The following ANKFN1 variants were observed in gnomAD, a reference collection of about 807,000 sequenced individuals.
The protein encoded by ANKFN1 is ankyrin repeat and fibronectin type-III domain-containing protein 1.
A neutral mutation model predicts 108.7 loss-of-function variants in ANKFN1; 74 were observed. The observed-to-expected ratio is 0.68, with a 90% CI of 0.56 to 0.83. The LOEUF (loss-of-function observed/expected upper bound fraction) is 0.83. Among genes scored for constraint, ANKFN1 ranks in the 40% least tolerant of loss-of-function variants. ANKFN1 has a pLI of 0.00. For missense variants in ANKFN1, 1,505 were observed against 1,382.3 expected (o/e 1.09, Z -1.41); for synonymous variants, 547 against 516.2 (o/e 1.06, Z -0.81).
At chr17:56,449,323 T>C in intron 11 of ANKFN1, 137 bp downstream of exon 11, 1 of 559,396 alleles carries the variant, frequency 1.8e-6, no homozygotes, top group Non-Finnish European at 3.0e-6. Context: ...GGAATCACTT[T>C]ACAGCACTAT....
chr17:56,229,982 C>T (rs1176706375), intron 3 of ANKFN1, among the ~76,000 whole-genome samples: 1 of 152,080 alleles, frequency 6.6e-6, no homozygotes, highest in Non-Finnish European at 1.5e-5. Context: ...TTGGCAGCTA[C>T]ATTGAACCAG....
chr17:56,499,424 C>A (rs1969505741), intron 20 of ANKFN1, among the ~76,000 whole-genome samples: 1 of 151,978 alleles, frequency 6.6e-6, no homozygotes, highest in African/African-American at 2.4e-5. Flanking sequence ...CAAGTGAGGG[C>A]CACAAAAGCC....
intron 8 of ANKFN1, among the ~76,000 whole-genome samples, chr17:56,423,992 G>A (rs935887291): frequency 6.6e-6 from 1 of 152,058 alleles, no homozygotes; most frequent in Admixed American, 6.5e-5. Flanking sequence ...TCATTAAAAT[G>A]CAGTAATTAC....
rs1408916583 is a variant in ANKFN1, at chr17:56,492,190, A to AT, written c.2269dup (p.Cys757LeufsTer9). 1.4e-6 allele frequency: 1 copy of AT among 697,608 alleles called. No homozygotes were observed. Among genetic ancestry groups the AT allele is most frequent in the South Asian group, 1.5e-5 (1 of 67,300 alleles). 43.2% of individuals were successfully genotyped at this position (697,608 alleles called of 1,614,324 possible). On this transcript the variant is annotated frameshift_variant, in exon 19 of 21. Transcript: ENST00000682825. LOFTEE classifies it high-confidence loss of function. The stretch of plus-strand genomic sequence containing the variant: ...ATTTTGCTTGTCCATTTTCCAGTTC[A>AT]TTTTTGCAGCTACAGAGAGAAATTT...
chr17:56,282,279 CGT>C (rs1300451023), intron 3 of ANKFN1, among the ~76,000 whole-genome samples: 1 of 149,476 alleles, frequency 6.7e-6, no homozygotes, highest in Non-Finnish European at 1.5e-5. Context: ...CAACAGGTGC[CGT>C]GTGTGTGTGT....
At chr17:56,380,694 G>A (rs927859807) in intron 8 of ANKFN1, among the ~76,000 whole-genome samples, 5 of 152,376 alleles carry the variant, frequency 3.3e-5, no homozygotes, top group Admixed American at 3.3e-4. Context: ...TAGCACAGCA[G>A]TCTGAGATCA....
At chr17:56,360,265 C>T (rs1197496647) in intron 6 of ANKFN1, among the ~76,000 whole-genome samples, 4 of 152,128 alleles carry the variant, frequency 2.6e-5, no homozygotes, top group Non-Finnish European at 5.9e-5. Context: ...GCTATCTTAC[C>T]ATAGGGCCTT....
intron 20 of ANKFN1, among the ~76,000 whole-genome samples, chr17:56,506,139 C>A (rs549718128): frequency 6.6e-6 from 1 of 151,970 alleles, no homozygotes; most frequent in African/African-American, 2.4e-5. Flanking sequence ...TGTATACATG[C>A]GCCATGTTGG....
chr17:56,401,325 A>AGTATTGTATTGTATT (rs1176791583), intron 8 of ANKFN1, among the ~76,000 whole-genome samples: 269 of 143,512 alleles, frequency 1.9e-3, no homozygotes, highest in African/African-American at 6.6e-3. Context: ...TACATTCCGA[A>AGTATTGTATTGTATT]GTATTGTATT....
At chr17:56,075,304 A>G (rs1388134407) in intron 4 of ANKFN1, among the ~76,000 whole-genome samples, 2 of 152,130 alleles carry the variant, frequency 1.3e-5, no homozygotes, top group African/African-American at 4.8e-5. Context: ...TTAACCCATA[A>G]GGTTAATGTG....
At chr17:56,230,094 C>A (rs1230003687) in intron 3 of ANKFN1, among the ~76,000 whole-genome samples, 2 of 152,052 alleles carry the variant, frequency 1.3e-5, no homozygotes, top group African/African-American at 4.8e-5. Context: ...AGACTTAGAT[C>A]TATAGTGAAT....
intron 4 of ANKFN1, among the ~76,000 whole-genome samples, chr17:56,066,956 C>A (rs1410369683): frequency 6.6e-6 from 1 of 152,238 alleles, no homozygotes; most frequent in East Asian, 1.9e-4. Context: ...TTTGGGAGGC[C>A]AAGGCTGGCA....
chr17:56,382,933 T>C (rs1017462500), intron 8 of ANKFN1, among the ~76,000 whole-genome samples: 1 of 152,078 alleles, frequency 6.6e-6, no homozygotes, highest in African/African-American at 2.4e-5. Flanking sequence ...GACAGGAAGT[T>C]AACAAGGATA....
chr17:56,369,302 T>A (rs1377589823), intron 6 of ANKFN1, among the ~76,000 whole-genome samples: 1 of 152,136 alleles, frequency 6.6e-6, no homozygotes, highest in Non-Finnish European at 1.5e-5. Flanking sequence ...ATAAAAATAA[T>A]GTCATAGATA....
At chr17:56,360,611 A>C (rs1157276900) in intron 6 of ANKFN1, among the ~76,000 whole-genome samples, 1 of 152,194 alleles carries the variant, frequency 6.6e-6, no homozygotes, top group Non-Finnish European at 1.5e-5. Flanking sequence ...AATTGAATCA[A>C]TCCCAAGCCT....
intron 1 of ANKFN1, among the ~76,000 whole-genome samples, chr17:56,180,126 C>A (rs1207448005): frequency 6.6e-6 from 1 of 152,136 alleles, no homozygotes; most frequent in Admixed American, 6.6e-5. Context: ...TTGGTGGGCA[C>A]TCTTCTGGCC....
At chr17:56,403,929 G>C (rs1257132510) in intron 8 of ANKFN1, among the ~76,000 whole-genome samples, 1 of 152,072 alleles carries the variant, frequency 6.6e-6, no homozygotes, top group East Asian at 1.9e-4. Flanking sequence ...ATGATGCTTA[G>C]TTTTGCTGGA....
At chr17:56,424,862 A>G (rs988114595) in intron 8 of ANKFN1, among the ~76,000 whole-genome samples, 1 of 152,166 alleles carries the variant, frequency 6.6e-6, no homozygotes, top group Non-Finnish European at 1.5e-5. Context: ...AGCATCCCCA[A>G]AAAAACCTAC....
At chr17:56,065,299 TTGTCGC>T (rs1310486342) in intron 4 of ANKFN1, among the ~76,000 whole-genome samples, 1 of 152,246 alleles carries the variant, frequency 6.6e-6, no homozygotes, top group Non-Finnish European at 1.5e-5. Context: ...TAAGGGAATG[TTGTCGC>T]TGGTTTTATC....
Sources: gnomAD v4.1 joint callset for allele counts (sites outside exome capture counted in the v4.1 genomes callset) on GRCh38, gnomAD v4.1.1 for gene constraint, MANE v1.5 for transcripts, NCBI Gene and HGNC (gene_info 2026-07-23, HGNC 2026-07-21) for gene names.